PRKD2: variants seen among roughly 807,000 people sequenced by gnomAD.
PRKD2 encodes the protein serine/threonine-protein kinase D2.
PRKD2 carries 22 observed loss-of-function variants against 86.0 expected under a neutral mutation model. The ratio of observed to expected loss-of-function variants is 0.26; its 90% confidence interval spans 0.18 to 0.37. The LOEUF (loss-of-function observed/expected upper bound fraction) is 0.37, where lower values mean the gene tolerates loss of function less well. PRKD2 is among the 10% of genes least tolerant of loss of function. PRKD2 has a pLI of 1.00. For synonymous variants in PRKD2, 509 were observed against 510.9 expected (o/e 1.00, Z 0.05); for missense variants, 818 against 1,199.2 (o/e 0.68, Z 4.70).
chr19:46,678,608 C>T lies in PRKD2; in HGVS notation c.2126G>A (p.Arg709His), dbSNP rs767210044. ...GTAGGCCGGCGTGCCCACCACTGAGCGGCGGAACGACTTCTCGCCGATGAT... is the reference window on the plus strand; with the variant it reads ...GTAGGCCGGCGTGCCCACCACTGAGTGGCGGAACGACTTCTCGCCGATGAT... ...ARIIGEKSFR[R>H]SVVGTPAYLA... The change falls in exon 16 of 18, where the codon CGC becomes CAC. Residue 709 changes from arginine (R) to histidine (H), a missense_variant. Around this residue, in one of 5 missense-constraint regions of PRKD2, gnomAD observed 154 missense variants for 359.6 expected, o/e 0.43. Transcript: ENST00000291281. This position sits in a 1 kb window ranked among gnomAD's most constrained non-coding sequence, Gnocchi z 5.7. 2 of 1,612,470 alleles carry T rather than the reference C, an allele frequency of 1.2e-6. No homozygotes were observed. The highest frequency in any genetic ancestry group is 8.5e-7 in the Non-Finnish European group (1 of 1,180,028).
intron 16 of PRKD2, among the ~76,000 whole-genome samples, chr19:46,675,835 T>C (rs1319022954): frequency 6.6e-6 from 1 of 151,814 alleles, no homozygotes; most frequent in East Asian, 1.9e-4. Flanking sequence ...GCGTGATCAA[T>C]GCTCACTGAA....
At chr19:46,680,946 A>ATATATT in intron 15 of PRKD2, among the ~76,000 whole-genome samples, 6 of 48,256 alleles carry the variant, frequency 1.2e-4, no homozygotes, top group African/African-American at 1.4e-4. Context: ...ATATATATAT[A>ATATATT]TTTTTTTTTT....
chr19:46,681,829 C>T (rs1187282812), intron 14 of PRKD2, 81 bp from the exon 15 acceptor site: 1 of 805,480 alleles, frequency 1.2e-6, no homozygotes, highest in Non-Finnish European at 2.0e-6. Flanking sequence ...GCCCTCCAAA[C>T]CCATCCATAC....
chr19:46,701,042 G>A lies in PRKD2; in HGVS notation c.960C>T (p.Ile320=). The change falls in exon 6 of 18, where the codon ATC becomes ATT. Residue 320 remains isoleucine, a synonymous_variant. Transcript: ENST00000291281. ...VPNDCLGEAL[I]NGDVPMEEAT... ...ATCCCCCCAGCCTCTCACCTCCATTGATAAGGGCCTCCCCCAGGCAGTCAT... is the reference window on the plus strand; with the variant it reads ...ATCCCCCCAGCCTCTCACCTCCATTAATAAGGGCCTCCCCCAGGCAGTCAT... 1 of 1,614,166 alleles carries A rather than the reference G, an allele frequency of 6.2e-7. No individual in the cohort carries two copies. The highest frequency in any genetic ancestry group is 8.5e-7 in the Non-Finnish European group (1 of 1,180,020).
At chr19:46,714,361 C>T in intron 1 of PRKD2, 1 of 976,470 alleles carries the variant, frequency 1.0e-6, no homozygotes, top group Non-Finnish European at 1.2e-6. Flanking sequence ...GGCTCACACA[C>T]CCGCCCCCCA....
chr19:46,704,707 T>C (rs73058662), intron 3 of PRKD2, 58 bp from the exon 4 acceptor site: 2 of 1,533,672 alleles, frequency 1.3e-6, no homozygotes, highest in South Asian at 2.6e-5. Context: ...GGTCTCTTCT[T>C]GAGAAGTTGT....
chr19:46,698,955 A>G (rs1463351977), intron 7 of PRKD2, among the ~76,000 whole-genome samples: 2 of 152,096 alleles, frequency 1.3e-5, no homozygotes, highest in African/African-American at 4.8e-5. Flanking sequence ...TGACGGTGTT[A>G]CTAGGCATTC....
chr19:46,713,874 A>C lies in PRKD2; in HGVS notation c.368T>G (p.Val123Gly), dbSNP rs1599845454. 4 of 1,386,724 alleles carry C rather than the reference A, an allele frequency of 2.9e-6. No individual in the cohort carries two copies. The highest frequency in any genetic ancestry group is 1.7e-5 in the African/African-American group (1 of 59,616). The allele number at this position is 1,386,724 out of a possible 1,614,324, so 85.9% of individuals were successfully genotyped here. ...GDIQEGDLVE[V>G]VLSASATFED... ...CCACCACCTCTCACCCGACAGCACC[A>C]CCTCCACCAGGTCGCCCTCCTGGAT... is the stretch of plus-strand genomic sequence containing the variant. The change falls in exon 2 of 18, where the codon GTG becomes GGG. Residue 123 changes from valine (V) to glycine (G), a missense_variant. By Grantham distance (109) the Val-to-Gly change is moderately radical (BLOSUM62 -3). Around this residue, in one of 5 missense-constraint regions of PRKD2, gnomAD observed 403 missense variants for 518.6 expected, o/e 0.78. Coordinates refer to ENST00000291281, the MANE Select transcript of PRKD2 (RefSeq NM_016457.5).
intron 14 of PRKD2, among the ~76,000 whole-genome samples, chr19:46,684,146 G>A (rs1427020361): frequency 6.6e-6 from 1 of 152,048 alleles, no homozygotes; most frequent in African/African-American, 2.4e-5. Context: ...TCTTTTTGTA[G>A]AGATGGCATC....
At chr19:46,710,634 T>A in intron 3 of PRKD2, 2 of 383,410 alleles carry the variant, frequency 5.2e-6, no homozygotes, top group Non-Finnish European at 4.7e-6. Flanking sequence ...ACCCTTCTGC[T>A]CCCCTAGGCT....
intron 9 of PRKD2, among the ~76,000 whole-genome samples, chr19:46,695,014 C>G (rs184692134): frequency 6.6e-6 from 1 of 151,126 alleles, no homozygotes; most frequent in Non-Finnish European, 1.5e-5. Context: ...CCAGCCAGAG[C>G]AACACAATGA....
At chr19:46,704,757 A>AC (rs1423246281) in intron 3 of PRKD2, 108 bp from the exon 4 acceptor site, 9 of 1,356,820 alleles carry the variant, frequency 6.6e-6, no homozygotes, top group Non-Finnish European at 6.8e-6. Context: ...CTGTCCCATC[A>AC]CCCCCCGCCA....
intron 14 of PRKD2, 110 bp from the exon 15 acceptor site, chr19:46,681,858 G>A: frequency 8.2e-6 from 4 of 488,178 alleles, no homozygotes; most frequent in Non-Finnish European, 1.4e-5. Context: ...TTTTTTTTTT[G>A]AGACAGAGTC....
intron 9 of PRKD2, among the ~76,000 whole-genome samples, chr19:46,696,691 G>T (rs1301963718): frequency 6.6e-6 from 1 of 152,124 alleles, no homozygotes; most frequent in Non-Finnish European, 1.5e-5. Context: ...GGAAGCGGAG[G>T]TTGCAGTGAG....
At position 46,678,668 on chromosome 19, in the gene PRKD2, A is replaced by G. The variant is rs780298147; in HGVS notation, c.2071-5T>C. 2 of 1,601,334 alleles carry G rather than the reference A, an allele frequency of 1.2e-6. No homozygotes were observed. Among genetic ancestry groups the G allele is most frequent in the African/African-American group, 1.3e-5 (1 of 75,024 alleles). Reference sequence around the variant, plus strand: ...GCCAAAGTCACACAGCTTCACCTGCAGAGGGCAAGGGATGGAGGCTCCACC... The same window carrying G: ...GCCAAAGTCACACAGCTTCACCTGCGGAGGGCAAGGGATGGAGGCTCCACC... On this transcript the variant is annotated splice_region_variant and splice_polypyrimidine_tract_variant and intron_variant, in intron 15 of 17. Transcript: ENST00000291281. The surrounding 1 kb of genome is among the most constrained non-coding windows in gnomAD (Gnocchi z 5.7).
chr19:46,716,359 G>A lies in PRKD2; in HGVS notation c.12C>T (p.Ala4=). MAT[A]PSYPAGLPGS... ...CAGGGAGCCCGGCGGGATAAGAGGG[G>A]GCGGTGGCCATGGGGGGAGGCCGGG... Residue 4 remains alanine (A), a synonymous_variant, in exon 1 of 18, where the codon GCC becomes GCT. Coordinates refer to ENST00000291281, the MANE Select transcript of PRKD2 (RefSeq NM_016457.5). This position sits in a 1 kb window ranked among gnomAD's most constrained non-coding sequence, Gnocchi z 7.9. 1 of 1,441,068 alleles carries A rather than the reference G, an allele frequency of 6.9e-7. No homozygotes were observed. Among genetic ancestry groups the A allele is most frequent in the South Asian group, 1.5e-5 (1 of 68,822 alleles). 89.3% of individuals were successfully genotyped at this position (1,441,068 alleles called of 1,614,324 possible).
At chr19:46,704,003 C>T (rs2122748362) in intron 5 of PRKD2, among the ~76,000 whole-genome samples, 166 bp downstream of exon 5, 1 of 81,222 alleles carries the variant, frequency 1.2e-5, no homozygotes, top group Non-Finnish European at 3.0e-5. Flanking sequence ...AACTGAGGTT[C>T]TAAGATTCCA....
At position 46,678,808 on chromosome 19, in the gene PRKD2, C is replaced by A; in HGVS notation, c.2071-145G>T. On this transcript the variant is annotated intron_variant, in intron 15 of 17. Transcript: ENST00000291281. The surrounding 1 kb of genome is among the most constrained non-coding windows in gnomAD (Gnocchi z 5.7). ...CTCCTTGGCTCACTAGCTGAGCAAC[C>A]CTGGGCAGGTGACTTCCCCCCTCTG... is the stretch of plus-strand genomic sequence containing the variant. 1 of 970,728 alleles carries A rather than the reference C, an allele frequency of 1.0e-6. No individual in the cohort carries two copies. The highest frequency in any genetic ancestry group is 1.5e-6 in the Non-Finnish European group (1 of 672,742). The allele number at this position is 970,728 out of a possible 1,614,324, so 60.1% of individuals were successfully genotyped here.
In PRKD2 at chr19:46,717,084, G is replaced by T. The variant is rs896641771; in HGVS notation, c.-714C>A. On this transcript the variant is annotated 5_prime_UTR_variant, in exon 1 of 18. Coordinates refer to ENST00000291281, the MANE Select transcript of PRKD2 (RefSeq NM_016457.5). ...TTTTCCCCCTCCAAAGTTTAAGTCG[G>T]CGGCGGCGGCGGCGGCCCAGGAGGA... is the stretch of plus-strand genomic sequence containing the variant. 9.1e-5 allele frequency: 14 copies of T among 154,292 alleles called. No homozygotes were observed. Among genetic ancestry groups the T allele is most frequent in the Non-Finnish European group, 1.4e-4 (10 of 69,418 alleles). The allele number at this position is 154,292 out of a possible 1,614,324, so 9.6% of individuals were successfully genotyped here.
Sources: gnomAD v4.1 joint callset for allele counts (sites outside exome capture counted in the v4.1 genomes callset) on GRCh38, gnomAD v4.1.1 for gene constraint, gnomAD v4.1.1 regional missense constraint, Gnocchi (gnomAD v3.1) non-coding constraint, MANE v1.5 for transcripts, NCBI Gene and HGNC (gene_info 2026-07-23, HGNC 2026-07-21) for gene names.